The following ACTN3 variants were observed in gnomAD, a reference collection of about 807,000 sequenced individuals.
ACTN3 encodes the protein actinin alpha 3.
A neutral mutation model predicts 119.6 loss-of-function variants in ACTN3; 91 were observed. The observed-to-expected ratio is 0.76, with a 90% CI of 0.64 to 0.91. The LOEUF (loss-of-function observed/expected upper bound fraction) is 0.91, where lower values mean the gene tolerates loss of function less well. Among genes scored for constraint, ACTN3 ranks in the 40% least tolerant of loss-of-function variants. The pLI, the probability that ACTN3 is intolerant of heterozygous loss-of-function variation, is 0.00. For missense variants in ACTN3, 1,221 were observed against 1,215.1 expected (o/e 1.00, Z -0.07); for synonymous variants, 456 against 478.8 (o/e 0.95, Z 0.62).
At chr11:66,552,668 C>T (rs1415038888) in intron 3 of ACTN3, among the ~76,000 whole-genome samples, 35 of 151,878 alleles carry the variant, frequency 2.3e-4, no homozygotes, top group Non-Finnish European at 1.0e-4. Context: ...ACCATCCTGG[C>T]CAACATGGTG....
rs371756314 is a variant in ACTN3 at position 66,558,039 on chromosome 11, G to A, written c.1141G>A (p.Ala381Thr). 151 of 1,613,886 alleles carry A rather than the reference G, an allele frequency of 9.4e-5. No homozygotes were observed. The African/African-American group carries it at 1.8e-3, about 19-fold the overall frequency. Reference protein sequence around the residue: ...EGKLVSDIANAWRGLEQVEKG... With the variant: ...EGKLVSDIANTWRGLEQVEKG... ...GCCTGCTCCACAGGACATCGCCAAC[G>A]CCTGGCGGGGGCTGGAGCAGGTGGA... Residue 381 changes from alanine to threonine, a missense_variant, in exon 11 of 21, where the codon GCC (alanine) becomes ACC (threonine). Physicochemically the swap from Ala to Thr is moderately conservative, Grantham distance 58 (BLOSUM62 0). Transcript: ENST00000513398.
At chr11:66,548,167 T>C (rs1214596638) in intron 1 of ACTN3, among the ~76,000 whole-genome samples, 2 of 152,156 alleles carry the variant, frequency 1.3e-5, no homozygotes, top group African/African-American at 4.8e-5. Flanking sequence ...CTGGGTTAGA[T>C]GACAGGAGAT....
At chr11:66,563,003 A>G in intron 20 of ACTN3, 32 bp from the exon 21 acceptor site, 9 of 1,607,400 alleles carry the variant, frequency 5.6e-6, no homozygotes, top group Non-Finnish European at 7.7e-6. Flanking sequence ...AGGGCACGGG[A>G]CCTGTGGGTC....
rs1282267449 is a variant in ACTN3, at chr11:66,561,483, T to C, written c.2021T>C (p.Leu674Pro). ...VEEVGRLAAG[L>P]AGSLEEQMAG... is the part of the protein sequence containing the mutation. ...GAAGTGGGGCGGCTGGCAGCAGGGC[T>C]AGCTGGCTCTCTGGAGGAGCAGATG... Residue 674 changes from leucine (L) to proline (P), a missense_variant, in exon 17 of 21, where the codon CTA becomes CCA. By Grantham distance (98) the Leu-to-Pro change is moderately conservative. Around this residue, in one of 3 missense-constraint regions of ACTN3, gnomAD observed 934 missense variants for 899.9 expected, o/e 1.04. Coordinates refer to ENST00000513398, the MANE Select transcript of ACTN3 (RefSeq NM_001104.4). 6.2e-7 allele frequency: 1 copy of C among 1,601,818 alleles called. No individual in the cohort carries two copies. The highest frequency in any genetic ancestry group is 1.7e-5 in the Admixed American group (1 of 57,584).
Position 66,562,017 on chromosome 11 carries a change from G to A in ACTN3, c.2176-5G>A, listed in dbSNP as rs374908695. ...ACTGACAGTGGCCTGTCCCCTGACC[G>A]CCAGCACATCCGCGTGGGCTGGGAG... On this transcript the variant is annotated splice_polypyrimidine_tract_variant and splice_region_variant and intron_variant, in intron 17 of 20. Transcript: ENST00000513398. 256 of 1,602,542 alleles carry A rather than the reference G, an allele frequency of 1.6e-4. No individual in the cohort carries two copies. The highest frequency in any genetic ancestry group is 5.0e-4 in the Middle Eastern group (3 of 6,048).
At chr11:66,546,884 G>A, upstream of ACTN3, 13 of 1,511,458 alleles carry the variant, frequency 8.6e-6, no homozygotes, top group South Asian at 1.6e-4. Context: ...TACTTAATGG[G>A]GCCCGGGTGT....
chr11:66,556,667 A>T (rs1398073882), intron 8 of ACTN3, among the ~76,000 whole-genome samples: 2 of 152,036 alleles, frequency 1.3e-5, no homozygotes, highest in Non-Finnish European at 2.9e-5. Context: ...GAACTCCTGG[A>T]CTCAAGTAAC....
At chr11:66,559,855 C>A in intron 12 of ACTN3, 113 bp from the exon 13 acceptor site, 2 of 1,061,788 alleles carry the variant, frequency 1.9e-6, no homozygotes, top group East Asian at 2.6e-5. Flanking sequence ...ACCACCTGCC[C>A]TGGCTCCCGC....
At chr11:66,552,507 GA>G (rs1288612627) in intron 3 of ACTN3, among the ~76,000 whole-genome samples, 2 of 152,222 alleles carry the variant, frequency 1.3e-5, no homozygotes, top group Admixed American at 1.3e-4. Context: ...TTGGCAGACT[GA>G]AGCGGAAGGA....
chr11:66,559,439 T>C (rs985031686), intron 12 of ACTN3, 53 bp downstream of exon 12: 8 of 1,350,368 alleles, frequency 5.9e-6, no homozygotes, highest in Non-Finnish European at 6.7e-6. Flanking sequence ...CCGCCCCCGG[T>C]GGCGAGCCCC....
chr11:66,546,539 C>G, upstream of ACTN3: 1 of 1,535,562 alleles, frequency 6.5e-7, no homozygotes, highest in Non-Finnish European at 8.7e-7. Context: ...GTCCCACCAG[C>G]GAGGTGCTGG....
At chr11:66,557,253 C>T in intron 9 of ACTN3, 28 bp downstream of exon 9, 1 of 1,545,552 alleles carries the variant, frequency 6.5e-7, no homozygotes, top group Non-Finnish European at 8.8e-7. Flanking sequence ...CCGTGCTCTC[C>T]CCACCCCAGC....
At position 66,554,546 on chromosome 11, in the gene ACTN3, C is replaced by G. The variant is rs1857549042; in HGVS notation, c.480C>G (p.Ala160=). Reference sequence around the variant, plus strand: ...CTCCCCCCGACCCAGAAACCTCAGCCAAGGAAGGCTTGCTTCTGTGGTGCC... The same window carrying G: ...CTCCCCCCGACCCAGAAACCTCAGCGAAGGAAGGCTTGCTTCTGTGGTGCC... ...IQDISVEETS[A]KEGLLLWCQR... is the part of the protein sequence containing the mutation. The change falls in exon 5 of 21, where the codon GCC becomes GCG. Residue 160 remains alanine, a synonymous_variant. Coordinates refer to ENST00000513398, the MANE Select transcript of ACTN3 (RefSeq NM_001104.4). 6.2e-7 allele frequency: 1 copy of G among 1,610,480 alleles called. No homozygotes were observed. The highest frequency in any genetic ancestry group is 1.1e-5 in the South Asian group (1 of 90,504).
Position 66,559,255 on chromosome 11 carries a change from C to G in ACTN3, c.1296C>G (p.Ser432Arg), listed in dbSNP as rs569706018. ...AWTRGKEEML[S>R]QRDYDSALLQ... Reference sequence around the variant, plus strand: ...GAGCAGGAAAGGAGGAGATGCTGAGCCAGCGCGACTACGATTCGGCTTTGC... The same window carrying G: ...GAGCAGGAAAGGAGGAGATGCTGAGGCAGCGCGACTACGATTCGGCTTTGC... The change falls in exon 12 of 21, where the codon AGC becomes AGG. Residue 432 changes from serine to arginine, a missense_variant. By Grantham distance (110) the Ser-to-Arg change is moderately radical (BLOSUM62 -1). Around this residue, in one of 3 missense-constraint regions of ACTN3, gnomAD observed 934 missense variants for 899.9 expected, o/e 1.04. Transcript: ENST00000513398. 6.5e-5 allele frequency: 102 copies of G among 1,558,124 alleles called. No homozygotes were observed. The East Asian group carries it at 1.5e-3, about 23-fold the overall frequency.
chr11:66,560,809 C>T, intron 15 of ACTN3, 54 bp downstream of exon 15: 1 of 1,544,220 alleles, frequency 6.5e-7, no homozygotes, highest in Non-Finnish European at 8.8e-7. Flanking sequence ...TGTGACCACC[C>T]TGAAATCTCG....
chr11:66,558,100 G>A lies in ACTN3; in HGVS notation c.1202G>A (p.Arg401Gln), dbSNP rs777352539. 1.9e-5 allele frequency: 31 copies of A among 1,613,682 alleles called. No homozygotes were observed. Among genetic ancestry groups the A allele is most frequent in the Middle Eastern group, 1.6e-4 (1 of 6,082 alleles). ...GAGGACTGGCTGCTCTCGGAGATCC[G>A]GCGCCTGCAGCGACTCCAGCACCTG... is the stretch of plus-strand genomic sequence containing the variant. ...GYEDWLLSEI[R>Q]RLQRLQHLAE... The change falls in exon 11 of 21, where the codon CGG (arginine) becomes CAG (glutamine). Residue 401 changes from arginine (R) to glutamine (Q), a missense_variant. Around this residue, in one of 3 missense-constraint regions of ACTN3, gnomAD observed 934 missense variants for 899.9 expected, o/e 1.04. Transcript: ENST00000513398.
intron 19 of ACTN3, 45 bp from the exon 20 acceptor site, chr11:66,562,751 G>C: frequency 6.4e-7 from 1 of 1,553,102 alleles, no homozygotes; most frequent in Non-Finnish European, 8.7e-7. Flanking sequence ...GAGCCCTCCT[G>C]GCTTTAGTGC....
intron 3 of ACTN3, among the ~76,000 whole-genome samples, 180 bp from the exon 4 acceptor site, chr11:66,553,865 A>G (rs923164951): frequency 1.8e-4 from 28 of 151,386 alleles, no homozygotes; most frequent in Admixed American, 9.9e-4. Flanking sequence ...AAAAAAAAAA[A>G]AAAAAAGAAA....
chr11:66,547,381 G>C (rs1857375575), intron 1 of ACTN3, among the ~76,000 whole-genome samples: 1 of 151,668 alleles, frequency 6.6e-6, no homozygotes, highest in Admixed American at 6.5e-5. Flanking sequence ...GCAAACCCCA[G>C]GAGATCCAAG....
Sources: allele counts gnomAD v4.1 joint callset (sites outside exome capture counted in the v4.1 genomes callset), GRCh38; gene constraint gnomAD v4.1.1; regional missense constraint gnomAD v4.1.1; transcripts MANE v1.5; gene names NCBI Gene and HGNC (gene_info 2026-07-23, HGNC 2026-07-21).